AGTPBP1: variants seen among roughly 807,000 people sequenced by gnomAD.
The protein encoded by AGTPBP1 is ATP/GTP binding carboxypeptidase 1.
A neutral mutation model predicts 143.9 loss-of-function variants in AGTPBP1; 70 were observed. That is an observed-to-expected ratio of 0.49 (90% CI 0.40 to 0.59). AGTPBP1 has a LOEUF of 0.59. Among genes scored for constraint, AGTPBP1 ranks in the 20% least tolerant of loss-of-function variants. The pLI is 0.00. For missense variants in AGTPBP1, 1,229 were observed against 1,464.5 expected, an observed-to-expected ratio of 0.84 and a Z score of 2.62; for synonymous variants, 463 against 500.2, an observed-to-expected ratio of 0.93 and a Z score of 0.99.
intron 8 of AGTPBP1, among the ~76,000 whole-genome samples, chr9:85,666,404 A>G (rs1834137207): frequency 6.6e-6 from 1 of 152,148 alleles, no homozygotes; most frequent in Admixed American, 6.6e-5. Flanking sequence ...GAAGAAATAC[A>G]ACAGAAAGCG....
rs143683355 is a variant in AGTPBP1, at chr9:85,653,517, G to A, written c.1087+1626C>T. ...CAGACACTAAATAAAGAACTTGCTG[G>A]GGCCTATCCCACCTCCTTCCTGGTG... On this transcript the variant is annotated intron_variant, in intron 11 of 25. Transcript: ENST00000357081. Among the ~76,000 whole-genome samples the A allele has an allele frequency of 3.4e-3, 523 of 152,166 alleles. 4 individuals carry two copies. Among genetic ancestry groups the A allele is most frequent in the African/African-American group, 0.012 (494 of 41,502 alleles).
chr9:85,599,946 C>T (rs1399885635), intron 17 of AGTPBP1, among the ~76,000 whole-genome samples: 1 of 152,148 alleles, frequency 6.6e-6, no homozygotes, highest in Non-Finnish European at 1.5e-5. Context: ...CACCACATAC[C>T]AGATGCATGA....
chr9:85,803,151 A>G, the AGTPBP1 span, among the ~76,000 whole-genome samples: 5 of 152,182 alleles, frequency 3.3e-5, no homozygotes, highest in South Asian at 1.0e-3. Context: ...GGAACTGGGG[A>G]AGAGGGGATG....
At chr9:85,558,089 G>A (rs184277388) in intron 25 of AGTPBP1, among the ~76,000 whole-genome samples, 111 of 152,288 alleles carry the variant, frequency 7.3e-4, no homozygotes, top group Non-Finnish European at 2.9e-4. Context: ...TTTGGCTTAA[G>A]TTATATTTAT....
At chr9:85,554,940 T>C (rs930888500) in intron 25 of AGTPBP1, among the ~76,000 whole-genome samples, 1 of 152,198 alleles carries the variant, frequency 6.6e-6, no homozygotes, top group Non-Finnish European at 1.5e-5. Flanking sequence ...AACTCAAAGA[T>C]AGGTTTAAAA....
At chr9:85,750,804 G>A in the AGTPBP1 span, among the ~76,000 whole-genome samples, 5 of 152,202 alleles carry the variant, frequency 3.3e-5, no homozygotes, top group African/African-American at 1.2e-4. Context: ...GCATGGGGGT[G>A]CTTTCCCTTC....
intron 25 of AGTPBP1, among the ~76,000 whole-genome samples, chr9:85,548,016 C>G (rs546124788): frequency 6.6e-6 from 1 of 152,086 alleles, no homozygotes; most frequent in East Asian, 1.9e-4. Flanking sequence ...GAGATTTACA[C>G]CCCCCCACAC....
intron 17 of AGTPBP1, among the ~76,000 whole-genome samples, chr9:85,605,733 CA>C (rs1052635489): frequency 6.6e-6 from 1 of 151,746 alleles, no homozygotes; most frequent in African/African-American, 2.4e-5. Flanking sequence ...AACAAAAAGT[CA>C]AAAAGTGAGG....
chr9:85,549,561 A>C (rs1333845824), intron 25 of AGTPBP1, among the ~76,000 whole-genome samples: 1 of 152,236 alleles, frequency 6.6e-6, no homozygotes, highest in Admixed American at 6.5e-5. Flanking sequence ...TTTGAACAAA[A>C]GGAAAGGGTT....
At chr9:85,713,455 C>T (rs187638606) in intron 1 of AGTPBP1, among the ~76,000 whole-genome samples, 3 of 152,066 alleles carry the variant, frequency 2.0e-5, no homozygotes, top group South Asian at 2.1e-4. Flanking sequence ...CACTTGAACC[C>T]GGGAGGTGGA....
At chr9:85,571,543 T>C (rs1297080985) in intron 25 of AGTPBP1, among the ~76,000 whole-genome samples, 3 of 152,214 alleles carry the variant, frequency 2.0e-5, no homozygotes, top group African/African-American at 7.2e-5. Flanking sequence ...TAAAATGGAA[T>C]ACTGACAGTT....
chr9:85,762,142 G>T, the AGTPBP1 span, among the ~76,000 whole-genome samples: 1 of 152,116 alleles, frequency 6.6e-6, no homozygotes, highest in Non-Finnish European at 1.5e-5. Flanking sequence ...AGAGGATGTG[G>T]AGAAATAGGA....
At chr9:85,800,871 T>A in the AGTPBP1 span, among the ~76,000 whole-genome samples, 43 of 151,698 alleles carry the variant, frequency 2.8e-4, no homozygotes, top group Non-Finnish European at 3.1e-4. Flanking sequence ...AATAACCTCA[T>A]AATTCTACCC....
rs1352439344 is a variant in AGTPBP1 at position 85,613,874 on chromosome 9, G to GT, written c.2335+5108dup. Among the ~76,000 whole-genome samples, 3 of 152,036 alleles carry GT rather than the reference G, an allele frequency of 2.0e-5. No homozygotes were observed. In the East Asian group the frequency reaches 5.8e-4, roughly 29 times the overall value. On this transcript the variant is annotated intron_variant, in intron 17 of 25. Transcript: ENST00000357081. ...AAATTTTAACAAATCAAAAATAGCT[G>GT]TATCATAAAAGATCAATTCACACAG...
In AGTPBP1 at chr9:85,699,986, C is replaced by G. The variant is rs146098677; in HGVS notation, c.33-7173G>C. On this transcript the variant is annotated intron_variant, in intron 2 of 25. Transcript: ENST00000357081. ...AGAAGAGCGGCAGTGTTTTACATTA[C>G]TACAAAACTCTTTTAATGTCTGGCT... 2.0e-3 allele frequency among the ~76,000 whole-genome samples: 312 copies of G among 152,238 alleles called. 1 individual carries two copies. Among genetic ancestry groups the G allele is most frequent in the African/African-American group, 6.8e-3 (284 of 41,554 alleles).
At chr9:85,773,883 G>C in the AGTPBP1 span, 1 of 1,610,770 alleles carries the variant, frequency 6.2e-7, no homozygotes, top group Non-Finnish European at 8.5e-7. Flanking sequence ...ATTATATAAT[G>C]AAGAAATGAA....
intron 8 of AGTPBP1, among the ~76,000 whole-genome samples, chr9:85,663,376 T>C (rs1833952526): frequency 6.6e-6 from 1 of 152,140 alleles, no homozygotes; most frequent in Non-Finnish European, 1.5e-5. Context: ...GGAAGGATTC[T>C]GCCTCAGTAG....
At chr9:85,767,924 C>T in the AGTPBP1 span, among the ~76,000 whole-genome samples, 1 of 152,172 alleles carries the variant, frequency 6.6e-6, no homozygotes, top group Non-Finnish European at 1.5e-5. Context: ...CCTCAGGCCC[C>T]AAGTGGACCT....
intron 1 of AGTPBP1, among the ~76,000 whole-genome samples, chr9:85,722,418 T>G (rs1838189407): frequency 6.6e-6 from 1 of 152,230 alleles, no homozygotes; most frequent in Non-Finnish European, 1.5e-5. Context: ...ATTTCATTAA[T>G]TTGATCTTCA....
Sources: allele counts gnomAD v4.1 joint callset (sites outside exome capture counted in the v4.1 genomes callset), GRCh38; gene constraint gnomAD v4.1.1; transcripts MANE v1.5; gene names NCBI Gene and HGNC (gene_info 2026-07-23, HGNC 2026-07-21).